The following FNDC3A variants were observed in gnomAD, a reference collection of about 807,000 sequenced individuals.
The protein encoded by FNDC3A is fibronectin type-III domain-containing protein 3A.
Under a neutral mutation model 148.9 loss-of-function variants are expected in FNDC3A, and 32 were observed. The ratio of observed to expected loss-of-function variants is 0.21; its 90% CI spans 0.16 to 0.29. The LOEUF (loss-of-function observed/expected upper bound fraction) is 0.29, where lower values mean the gene tolerates loss of function less well. Among genes scored for constraint, FNDC3A ranks in the 10% least tolerant of loss-of-function variants. FNDC3A has a pLI of 1.00. For synonymous variants in FNDC3A, 472 were observed against 473.6 expected (o/e 1.00, Z 0.04); for missense variants, 1,191 against 1,452.8 (o/e 0.82, Z 2.93).
At chr13:49,192,396 G>A (rs552562834) in intron 19 of FNDC3A, among the ~76,000 whole-genome samples, 2 of 152,220 alleles carry the variant, frequency 1.3e-5, no homozygotes, top group East Asian at 3.9e-4. Flanking sequence ...CTGGGCTCAG[G>A]TGACCCTTCT....
chr13:49,060,185 C>A (rs1031791804), intron 2 of FNDC3A, among the ~76,000 whole-genome samples: 23 of 152,048 alleles, frequency 1.5e-4, no homozygotes, highest in Admixed American at 5.2e-4. Flanking sequence ...ACGTGTATAT[C>A]CAAAAGAAAT....
intron 8 of FNDC3A, among the ~76,000 whole-genome samples, chr13:49,147,931 G>A (rs1166068497): frequency 1.3e-5 from 2 of 152,114 alleles, no homozygotes; most frequent in Non-Finnish European, 2.9e-5. Flanking sequence ...ATTCTAACTA[G>A]GGTAAAATGA....
At chr13:49,144,210 CCTG>C (rs1882864168) in intron 7 of FNDC3A, among the ~76,000 whole-genome samples, 1 of 151,504 alleles carries the variant, frequency 6.6e-6, no homozygotes, top group Admixed American at 6.6e-5. Context: ...GAAAAAAAAA[CCTG>C]CTCAGTTTCA....
chr13:49,168,086 C>T (rs186582172), intron 9 of FNDC3A, among the ~76,000 whole-genome samples: 3 of 152,190 alleles, frequency 2.0e-5, no homozygotes, highest in African/African-American at 7.2e-5. Flanking sequence ...TAGGGCTTAC[C>T]CAGCTGAAGC....
chr13:49,166,064 G>T (rs1884442979), intron 8 of FNDC3A, among the ~76,000 whole-genome samples: 1 of 152,202 alleles, frequency 6.6e-6, no homozygotes, highest in Non-Finnish European at 1.5e-5. Context: ...TGCTAACTGT[G>T]TTGGCAGGGT....
intron 1 of FNDC3A, among the ~76,000 whole-genome samples, chr13:48,987,060 C>T (rs1452427699): frequency 6.6e-6 from 1 of 152,180 alleles, no homozygotes; most frequent in Non-Finnish European, 1.5e-5. Flanking sequence ...CCAAAAATCA[C>T]ACCAATGGAT....
At chr13:49,106,700 T>G (rs560802366) in intron 3 of FNDC3A, among the ~76,000 whole-genome samples, 1 of 150,070 alleles carries the variant, frequency 6.7e-6, no homozygotes, top group Non-Finnish European at 1.5e-5. Flanking sequence ...GTTATTATTT[T>G]CTTCCTCTAG....
intron 7 of FNDC3A, among the ~76,000 whole-genome samples, chr13:49,145,407 T>A (rs1435417640): frequency 6.6e-6 from 1 of 152,242 alleles, no homozygotes; most frequent in Non-Finnish European, 1.5e-5. Flanking sequence ...TGGATGTCGA[T>A]GTCCTTTGCT....
At chr13:49,110,820 TAAAG>T (rs752382700) in intron 3 of FNDC3A, among the ~76,000 whole-genome samples, 2 of 152,230 alleles carry the variant, frequency 1.3e-5, no homozygotes, top group South Asian at 2.1e-4. Context: ...CAAGGAAAGA[TAAAG>T]AAGAATTTAA....
Position 49,131,445 on chromosome 13 carries a change from A to G in FNDC3A, c.490+71A>G, listed in dbSNP as rs1882030574. ...TCGCTTGGATATAATAGATGCCATT[A>G]TCATATCACATTAAAAAAACAGCAA... On this transcript the variant is annotated intron_variant, in intron 5 of 25. Coordinates refer to ENST00000492622, the MANE Select transcript of FNDC3A (RefSeq NM_001079673.2). 2.8e-6 allele frequency: 3 copies of G among 1,084,802 alleles called. No individual in the cohort carries two copies. In the Admixed American group the frequency reaches 5.2e-5, roughly 19 times the overall value. 67.2% of individuals were successfully genotyped at this position (1,084,802 alleles called of 1,614,324 possible). A position where few individuals can be genotyped will look rare whatever the true frequency, so the allele number is the denominator to read the frequency against.
At chr13:49,035,891 A>C (rs1874454423) in intron 2 of FNDC3A, among the ~76,000 whole-genome samples, 1 of 152,120 alleles carries the variant, frequency 6.6e-6, no homozygotes, top group Non-Finnish European at 1.5e-5. Context: ...ATCCAAATTC[A>C]AATTCGTTAG....
In FNDC3A at chr13:49,209,571, A is replaced by G. The variant is rs565269171; in HGVS notation, c.*2176A>G. The G allele has an allele frequency of 6.5e-6, 1 of 152,760 alleles. No individual in the cohort carries two copies. Among genetic ancestry groups the G allele is most frequent in the African/African-American group, 2.4e-5 (1 of 41,580 alleles). 9.5% of individuals were successfully genotyped at this position (152,760 alleles called of 1,614,324 possible). The stretch of plus-strand genomic sequence containing the variant: ...AGTATCTGTAAAATCCATGGAAAAT[A>G]AAAGTTGTATCATTCTTTTTGAGAT... On this transcript the variant is annotated 3_prime_UTR_variant, in exon 26 of 26. Transcript: ENST00000492622.
At chr13:48,984,297 C>G (rs1273391108) in intron 1 of FNDC3A, among the ~76,000 whole-genome samples, 2 of 152,130 alleles carry the variant, frequency 1.3e-5, no homozygotes, top group Admixed American at 1.3e-4. Flanking sequence ...AGAAATTCAA[C>G]AGGAGTTTTA....
At chr13:49,052,633 C>T (rs1158397036) in intron 2 of FNDC3A, among the ~76,000 whole-genome samples, 1 of 152,090 alleles carries the variant, frequency 6.6e-6, no homozygotes, top group African/African-American at 2.4e-5. Flanking sequence ...GTTTAGTGTG[C>T]TGGTTTTGTG....
At chr13:49,168,872 T>C (rs1033142142) in intron 10 of FNDC3A, 121 bp downstream of exon 10, 20 of 885,146 alleles carry the variant, frequency 2.3e-5, no homozygotes, top group Non-Finnish European at 3.5e-5. Flanking sequence ...TTTTTACATA[T>C]AAGACACAAA....
intron 3 of FNDC3A, among the ~76,000 whole-genome samples, chr13:49,109,952 T>C (rs576674710): frequency 2.0e-5 from 3 of 152,306 alleles, no homozygotes; most frequent in African/African-American, 7.2e-5. Context: ...ATTAATATTA[T>C]CTCAAATGTT....
intron 2 of FNDC3A, among the ~76,000 whole-genome samples, chr13:49,018,613 T>C (rs1000519686): frequency 1.3e-5 from 2 of 152,304 alleles, no homozygotes; most frequent in Non-Finnish European, 2.9e-5. Context: ...GTCAAAGTCA[T>C]TCTCTGTCCA....
chr13:49,101,035 T>G (rs530781097), intron 3 of FNDC3A, among the ~76,000 whole-genome samples: 1 of 152,166 alleles, frequency 6.6e-6, no homozygotes, highest in Admixed American at 6.6e-5. Context: ...GCAGGTTGAT[T>G]AAGGCCTCTG....
chr13:49,168,888 A>C (rs1884618658), intron 10 of FNDC3A, 137 bp downstream of exon 10: 1 of 771,066 alleles, frequency 1.3e-6, no homozygotes, highest in African/African-American at 1.7e-5. Context: ...ACAAATGCCT[A>C]TTTAATGTAT....
Sources: allele counts gnomAD v4.1 joint callset (sites outside exome capture counted in the v4.1 genomes callset), GRCh38; gene constraint gnomAD v4.1.1; transcripts MANE v1.5; gene names NCBI Gene and HGNC (gene_info 2026-07-23, HGNC 2026-07-21).